Variants in EYS observed in about 807,000 individuals in gnomAD.
EYS encodes EGF-like photoreceptor maintenance factor, also known as protein eyes shut homolog.
Under a neutral mutation model 282.1 loss-of-function variants are expected in EYS, and 250 were observed. The observed-to-expected ratio is 0.89, with a 90% CI of 0.80 to 0.98. The LOEUF (loss-of-function observed/expected upper bound fraction) is 0.98. Among genes scored for constraint, EYS ranks in the 50% least tolerant of loss-of-function variants. The pLI is 0.00. For synonymous variants in EYS, 1,355 were observed against 1,282.9 expected, an observed-to-expected ratio of 1.06 and a Z score of -1.20; for missense variants, 4,016 against 3,709.0, an observed-to-expected ratio of 1.08 and a Z score of -2.15.
intron 40 of EYS, among the ~76,000 whole-genome samples, chr6:63,771,276 A>G (rs564575760): frequency 3.5e-4 from 53 of 152,160 alleles, no homozygotes; most frequent in Non-Finnish European, 6.2e-4. Flanking sequence ...TTTAACCTAC[A>G]GATCAGTTGG....
In EYS at chr6:64,801,468, A is replaced by C. The variant is rs947433264; in HGVS notation, c.3443+11910T>G. The stretch of plus-strand genomic sequence containing the variant: ...GAATGTTTCACATCCAAAGTTACTT[A>C]CATATAATTTAACATTTTTTTTGTA... On this transcript the variant is annotated intron_variant, in intron 22 of 42. Transcript: ENST00000503581. Among the ~76,000 whole-genome samples, 5 of 152,140 alleles carry C rather than the reference A, an allele frequency of 3.3e-5. No homozygotes were observed. In the South Asian group the frequency reaches 1.0e-3, roughly 31 times the overall value.
chr6:64,672,518 G>T (rs546479355), intron 22 of EYS, among the ~76,000 whole-genome samples: 1 of 152,170 alleles, frequency 6.6e-6, no homozygotes, highest in Non-Finnish European at 1.5e-5. Flanking sequence ...ATAGCAGAGA[G>T]ACATTCACTT....
intron 26 of EYS, among the ~76,000 whole-genome samples, chr6:64,540,154 A>G (rs928061998): frequency 2.6e-5 from 4 of 152,208 alleles, no homozygotes; most frequent in Admixed American, 6.5e-5. Flanking sequence ...AGCTGCCTGC[A>G]GCTGAGGAAG....
intron 22 of EYS, among the ~76,000 whole-genome samples, chr6:64,670,175 A>T (rs1562124478): frequency 6.6e-6 from 1 of 152,060 alleles, no homozygotes; most frequent in Non-Finnish European, 1.5e-5. Context: ...CCCTCCTGTC[A>T]TGAAGAAAGT....
intron 14 of EYS, among the ~76,000 whole-genome samples, chr6:64,995,327 C>G (rs1377444109): frequency 2.6e-5 from 4 of 152,132 alleles, no homozygotes; most frequent in African/African-American, 9.7e-5. Flanking sequence ...ACTGTACCTG[C>G]TTTATCTTAG....
rs778809745 is a variant in EYS, at chr6:63,937,345, C to CTTTTTTT, written c.7055+47031_7055+47037dup. Reference sequence around the variant, plus strand: ...CAAATTTTCTAGGCTTCTCTCTTTTCTTTTTTTTTTTTTTTTTTTTTTTTT... The same window carrying CTTTTTTT: ...CAAATTTTCTAGGCTTCTCTCTTTTCTTTTTTTTTTTTTTTTTTTTTTTTTTTTTTTT... On this transcript the variant is annotated intron_variant, in intron 35 of 42. Coordinates refer to ENST00000503581, the MANE Select transcript of EYS (RefSeq NM_001142800.2). Among the ~76,000 whole-genome samples, 71 of 54,380 alleles carry CTTTTTTT rather than the reference C, an allele frequency of 1.3e-3. 3 individuals are homozygous for CTTTTTTT. Among genetic ancestry groups the CTTTTTTT allele is most frequent in the East Asian group, 2.6e-3 (4 of 1,536 alleles). 35.7% of individuals were successfully genotyped at this position (54,380 alleles called of 152,430 possible). A position where few individuals can be genotyped will look rare whatever the true frequency, so the allele number is the denominator to read the frequency against.
intron 28 of EYS, among the ~76,000 whole-genome samples, chr6:64,414,376 G>A (rs1477924953): frequency 2.0e-5 from 3 of 152,092 alleles, no homozygotes; most frequent in Admixed American, 6.6e-5. Context: ...AGAACATCTA[G>A]ATATACATAA....
chr6:65,331,701 A>C (rs1769803782), intron 11 of EYS: 3 of 981,032 alleles, frequency 3.1e-6, no homozygotes, highest in Non-Finnish European at 3.6e-6. Flanking sequence ...AGTAAATAAA[A>C]AAGCTTCTGA....
At chr6:64,652,035 C>G (rs918507367) in intron 22 of EYS, among the ~76,000 whole-genome samples, 1 of 152,146 alleles carries the variant, frequency 6.6e-6, no homozygotes, top group African/African-American at 2.4e-5. Context: ...GTTTTAAAAG[C>G]TTACAAAAAT....
chr6:64,876,070 A>G (rs1766742081), intron 19 of EYS, among the ~76,000 whole-genome samples: 1 of 152,066 alleles, frequency 6.6e-6, no homozygotes, highest in Non-Finnish European at 1.5e-5. Flanking sequence ...TAATATAAAA[A>G]GTCTAAATTT....
chr6:65,420,136 G>A (rs1184184157), intron 5 of EYS, among the ~76,000 whole-genome samples: 1 of 151,886 alleles, frequency 6.6e-6, no homozygotes, highest in Non-Finnish European at 1.5e-5. Context: ...AAGACAACAA[G>A]CTTTCATTTC....
At chr6:63,840,615 A>G (rs1338448713) in intron 36 of EYS, among the ~76,000 whole-genome samples, 2 of 152,046 alleles carry the variant, frequency 1.3e-5, no homozygotes, top group Admixed American at 1.3e-4. Flanking sequence ...CTTTGCCTAG[A>G]CTAATGTCTT....
chr6:64,538,083 G>A (rs1468994142), intron 26 of EYS, among the ~76,000 whole-genome samples: 2 of 152,054 alleles, frequency 1.3e-5, no homozygotes, highest in Non-Finnish European at 2.9e-5. Context: ...AAAATTGTTC[G>A]GGAAATTTTT....
In EYS at chr6:64,969,597, G is replaced by C. The variant is rs144354070; in HGVS notation, c.2260-23683C>G. On this transcript the variant is annotated intron_variant, in intron 14 of 42. Coordinates refer to ENST00000503581, the MANE Select transcript of EYS (RefSeq NM_001142800.2). ...AGGACAGTAGAGCCCAAATTCCCTG[G>C]AACCCACTAGGACTGTAGAAGAAGC... Among the ~76,000 whole-genome samples the C allele has an allele frequency of 1.6e-3, 245 of 152,180 alleles. 1 individual carries two copies. Among genetic ancestry groups the C allele is most frequent in the African/African-American group, 5.8e-3 (239 of 41,542 alleles).
At chr6:64,734,927 C>T (rs904919248) in intron 22 of EYS, among the ~76,000 whole-genome samples, 5 of 152,006 alleles carry the variant, frequency 3.3e-5, no homozygotes, top group Non-Finnish European at 7.4e-5. Flanking sequence ...TATTATTTTT[C>T]TATTAGTTCT....
chr6:65,068,696 A>G (rs972208931), intron 12 of EYS, among the ~76,000 whole-genome samples: 4 of 152,056 alleles, frequency 2.6e-5, no homozygotes, highest in African/African-American at 7.2e-5. Flanking sequence ...TCTGGCTTCA[A>G]GAAGGCTTGT....
intron 12 of EYS, among the ~76,000 whole-genome samples, chr6:65,144,637 T>C (rs1483181617): frequency 2.6e-5 from 4 of 152,168 alleles, no homozygotes; most frequent in Admixed American, 1.3e-4. Context: ...GTCTCCATGA[T>C]CATAATTCAT....
chr6:64,790,724 T>C (rs1020144174), intron 22 of EYS, among the ~76,000 whole-genome samples: 6 of 151,912 alleles, frequency 3.9e-5, no homozygotes, highest in African/African-American at 1.2e-4. Flanking sequence ...CATCTGTTTC[T>C]TACTTCTATG....
At chr6:64,236,253 G>T (rs146180935) in intron 30 of EYS, among the ~76,000 whole-genome samples, 1 of 152,160 alleles carries the variant, frequency 6.6e-6, no homozygotes, top group Non-Finnish European at 1.5e-5. Flanking sequence ...GATTACGGGC[G>T]TGAGCAACCG....
Sources: allele counts gnomAD v4.1 joint callset (sites outside exome capture counted in the v4.1 genomes callset), GRCh38; gene constraint gnomAD v4.1.1; transcripts MANE v1.5; gene names NCBI Gene and HGNC (gene_info 2026-07-23, HGNC 2026-07-21).